STK38L: variants seen among roughly 807,000 people sequenced by gnomAD.
The protein encoded by STK38L is serine/threonine kinase 38 like, also known as serine/threonine-protein kinase 38-like.
A neutral mutation model predicts 59.7 loss-of-function variants in STK38L; 28 were observed. That is an observed-to-expected ratio of 0.47 (90% CI 0.35 to 0.64). STK38L has a LOEUF of 0.64. Among genes scored for constraint, STK38L ranks in the 30% least tolerant of loss-of-function variants. The pLI is 0.01. For missense variants in STK38L, 314 were observed against 555.8 expected, an observed-to-expected ratio of 0.56 and a Z score of 4.37; for synonymous variants, 162 against 176.8, an observed-to-expected ratio of 0.92 and a Z score of 0.66.
chr12:27,276,087 T>A (rs867963861), intron 1 of STK38L, among the ~76,000 whole-genome samples: 20 of 152,176 alleles, frequency 1.3e-4, no homozygotes, highest in East Asian at 3.9e-4. Flanking sequence ...AGATTTTTTT[T>A]AAAAAAACTT....
intron 1 of STK38L, among the ~76,000 whole-genome samples, chr12:27,259,478 G>C (rs1013615515): frequency 1.3e-5 from 2 of 152,154 alleles, no homozygotes; most frequent in Admixed American, 6.5e-5. Flanking sequence ...GAGAAGAGAG[G>C]CAGGGATTGA....
chr12:27,292,312 GTGTC>G (rs1348867532), intron 1 of STK38L, among the ~76,000 whole-genome samples: 2 of 152,142 alleles, frequency 1.3e-5, no homozygotes, highest in Non-Finnish European at 1.5e-5. Flanking sequence ...AAGTCTGTCT[GTGTC>G]TGGTAAGAAG....
At chr12:27,269,925 G>A (rs1316438193) in intron 1 of STK38L, among the ~76,000 whole-genome samples, 1 of 152,312 alleles carries the variant, frequency 6.6e-6, no homozygotes, top group East Asian at 1.9e-4. Context: ...TTACAGGCAT[G>A]AGCAGCTGCA....
At position 27,297,779 on chromosome 12, in the gene STK38L, GAGTGACTGT is replaced by G; in HGVS notation, c.62_70del (p.Val21_Val23del). The G allele has an allele frequency of 6.2e-7, 1 of 1,614,138 alleles. No individual in the cohort carries two copies. The highest frequency in any genetic ancestry group is 8.5e-7 in the Non-Finnish European group (1 of 1,180,004). Reference sequence around the variant, plus strand: ...CCTATGAGCAACCATACCCGGGAAAGAGTGACTGTAGCCAAGCTCACATTGGAGAATTTT... The same window carrying G: ...CCTATGAGCAACCATACCCGGGAAAGAGCCAAGCTCACATTGGAGAATTTT... On this transcript the variant is annotated inframe_deletion, in exon 2 of 14. Coordinates refer to ENST00000389032, the MANE Select transcript of STK38L (RefSeq NM_015000.4).
chr12:27,259,404 A>G (rs563494776), intron 1 of STK38L, among the ~76,000 whole-genome samples: 3 of 152,262 alleles, frequency 2.0e-5, no homozygotes, highest in African/African-American at 7.2e-5. Flanking sequence ...TGGCCGCTTC[A>G]CGTGTCATGG....
chr12:27,271,898 C>T (rs145798687), intron 1 of STK38L, among the ~76,000 whole-genome samples: 1 of 152,220 alleles, frequency 6.6e-6, no homozygotes, highest in East Asian at 1.9e-4. Context: ...CAGGGTTTCA[C>T]CATGTTGGCC....
At chr12:27,316,892 A>T (rs1338869505) in intron 9 of STK38L, among the ~76,000 whole-genome samples, 1 of 152,202 alleles carries the variant, frequency 6.6e-6, no homozygotes, top group African/African-American at 2.4e-5. Flanking sequence ...AGCCTCAGAG[A>T]AATTGAATAA....
chr12:27,275,366 G>A (rs1188910131), intron 1 of STK38L, among the ~76,000 whole-genome samples: 4 of 125,018 alleles, frequency 3.2e-5, no homozygotes, highest in Non-Finnish European at 5.0e-5. Context: ...TTTTTGAGAC[G>A]GAGTTTCATT....
At chr12:27,271,572 CAG>C (rs1426495478) in intron 1 of STK38L, among the ~76,000 whole-genome samples, 1 of 152,204 alleles carries the variant, frequency 6.6e-6, no homozygotes, top group East Asian at 1.9e-4. Context: ...AAATATTCCA[CAG>C]AGGACTCCGA....
chr12:27,317,698 A>G, intron 10 of STK38L, 198 bp from the exon 11 acceptor site: 1 of 776,268 alleles, frequency 1.3e-6, no homozygotes, highest in Non-Finnish European at 2.0e-6. Flanking sequence ...CTTTTCAGGT[A>G]AAAGGGGAGG....
chr12:27,272,726 T>TTAGTGAGGATCAAAACCAAATGAGA (rs1304087930), intron 1 of STK38L, among the ~76,000 whole-genome samples: 1 of 152,124 alleles, frequency 6.6e-6, no homozygotes, highest in East Asian at 1.9e-4. Context: ...TGGTTTGTTT[T>TTAGTGAGGATCAAAACCAAATGAGA]TAATGTTTCT....
chr12:27,275,233 C>T (rs1337719704), intron 1 of STK38L, among the ~76,000 whole-genome samples: 1 of 152,044 alleles, frequency 6.6e-6, no homozygotes, highest in Non-Finnish European at 1.5e-5. Flanking sequence ...CTTGCTGTCT[C>T]ACACTACTAA....
intron 1 of STK38L, among the ~76,000 whole-genome samples, chr12:27,259,719 C>G (rs1259917451): frequency 6.6e-6 from 1 of 152,150 alleles, no homozygotes; most frequent in Non-Finnish European, 1.5e-5. Context: ...GTATACCAGG[C>G]CTTTTGTAAA....
intron 1 of STK38L, among the ~76,000 whole-genome samples, chr12:27,250,930 T>C (rs1207939197): frequency 7.2e-6 from 1 of 139,118 alleles, no homozygotes; most frequent in African/African-American, 2.8e-5. Context: ...ACCCGGGAGG[T>C]GGAGCTTGCA....
rs371063333 is a variant in STK38L, at chr12:27,325,928, G to C, written c.*3473G>C. The C allele has an allele frequency of 3.6e-4, 55 of 152,248 alleles. No individual in the cohort carries two copies. Among genetic ancestry groups the C allele is most frequent in the African/African-American group, 1.2e-3 (50 of 41,552 alleles). The allele number at this position is 152,248 out of a possible 1,614,324, so 9.4% of individuals were successfully genotyped here. A position where few individuals can be genotyped will look rare whatever the true frequency, so the allele number is the denominator to read the frequency against. ...GCATGAGGACAAAATTTCATTGAAG[G>C]TAAGATAAGAATAAAAACTATGTTT... On this transcript the variant is annotated 3_prime_UTR_variant, in exon 14 of 14. Coordinates refer to ENST00000389032, the MANE Select transcript of STK38L (RefSeq NM_015000.4).
Position 27,309,096 on chromosome 12 carries a change from A to C in STK38L, c.310-18A>C, listed in dbSNP as rs373621204. On this transcript the variant is annotated intron_variant, in intron 4 of 13. Transcript: ENST00000389032. The stretch of plus-strand genomic sequence containing the variant: ...AATAGTAGTGACTGTTTTATAATAT[A>C]TGTTTTTTATCTTTTAGGTGCGGTT... 1 of 1,546,118 alleles carries C rather than the reference A, an allele frequency of 6.5e-7. No homozygotes were observed. The highest frequency in any genetic ancestry group is 8.7e-7 in the Non-Finnish European group (1 of 1,146,750).
intron 2 of STK38L, chr12:27,298,152 C>A: frequency 4.4e-6 from 1 of 225,502 alleles, no homozygotes; most frequent in South Asian, 8.4e-5. Flanking sequence ...AAAGGGATGC[C>A]TGGCTTGGTG....
Position 27,270,085 on chromosome 12 carries a change from C to T in STK38L, c.-12+25753C>T, listed in dbSNP as rs185404366. Among the ~76,000 whole-genome samples, 196 of 152,222 alleles carry T rather than the reference C, an allele frequency of 1.3e-3. 1 individual carries two copies. Among genetic ancestry groups the T allele is most frequent in the Non-Finnish European group, 2.1e-3 (141 of 68,022 alleles). On this transcript the variant is annotated intron_variant, in intron 1 of 13. Coordinates refer to ENST00000389032, the MANE Select transcript of STK38L (RefSeq NM_015000.4). Reference sequence around the variant, plus strand: ...CTGATTGTAGATGCATTTGTCTCTCCGAATGTACTGGGATTATTTCGAAGA... The same window carrying T: ...CTGATTGTAGATGCATTTGTCTCTCTGAATGTACTGGGATTATTTCGAAGA...
chr12:27,318,580 TAC>T (rs1944644022), intron 11 of STK38L, among the ~76,000 whole-genome samples: 1 of 152,208 alleles, frequency 6.6e-6, no homozygotes, highest in Non-Finnish European at 1.5e-5. Flanking sequence ...AAGATTTAGG[TAC>T]ACTATGATTT....
Sources: gnomAD v4.1 joint callset for allele counts (sites outside exome capture counted in the v4.1 genomes callset) on GRCh38, gnomAD v4.1.1 for gene constraint, MANE v1.5 for transcripts, NCBI Gene and HGNC (gene_info 2026-07-23, HGNC 2026-07-21) for gene names.